SPAG16: variants seen among roughly 807,000 people sequenced by gnomAD.
The protein encoded by SPAG16 is sperm-associated antigen 16 protein.
A neutral mutation model predicts 80.4 loss-of-function variants in SPAG16; 86 were observed. That is an observed-to-expected ratio of 1.07 (90% CI 0.90 to 1.28). SPAG16 has a LOEUF of 1.28. Ranked by LOEUF, SPAG16 falls within the 50% of genes most tolerant of loss-of-function variation. The pLI is 0.00. For synonymous variants in SPAG16, 294 were observed against 265.9 expected, an observed-to-expected ratio of 1.11 and a Z score of -1.03; for missense variants, 870 against 765.3, an observed-to-expected ratio of 1.14 and a Z score of -1.61.
chr2:213,512,648 G>A (rs371469843), intron 10 of SPAG16, among the ~76,000 whole-genome samples: 14 of 152,240 alleles, frequency 9.2e-5, no homozygotes, highest in African/African-American at 3.4e-4. Flanking sequence ...TAAGAGCCCA[G>A]CACTGTGCAG....
intron 9 of SPAG16, among the ~76,000 whole-genome samples, chr2:213,489,328 T>G (rs1162672430): frequency 6.6e-6 from 1 of 152,108 alleles, no homozygotes; most frequent in African/African-American, 2.4e-5. Flanking sequence ...TACTTTCTCA[T>G]GGACTGAAAA....
intron 10 of SPAG16, among the ~76,000 whole-genome samples, chr2:213,812,406 G>A (rs1365412530): frequency 2.6e-5 from 4 of 152,198 alleles, no homozygotes; most frequent in African/African-American, 9.7e-5. Context: ...TGGAGGCTAA[G>A]AGACTCAGCT....
chr2:213,502,465 A>C (rs1388982933), intron 10 of SPAG16, among the ~76,000 whole-genome samples: 1 of 152,120 alleles, frequency 6.6e-6, no homozygotes, highest in Non-Finnish European at 1.5e-5. Context: ...TATAAATAAA[A>C]ATATTTTATT....
chr2:214,264,439 T>A (rs1321847894), intron 15 of SPAG16, among the ~76,000 whole-genome samples: 1 of 152,162 alleles, frequency 6.6e-6, no homozygotes, highest in Non-Finnish European at 1.5e-5. Context: ...GTGGATCTTC[T>A]AATTTTTTTT....
chr2:213,764,465 T>G (rs1394917426), intron 10 of SPAG16, among the ~76,000 whole-genome samples: 1 of 152,192 alleles, frequency 6.6e-6, no homozygotes, highest in Non-Finnish European at 1.5e-5. Flanking sequence ...CTAGATATAG[T>G]GTCCTTGGAC....
chr2:214,212,485 C>T (rs1281946825), intron 15 of SPAG16, among the ~76,000 whole-genome samples: 1 of 152,112 alleles, frequency 6.6e-6, no homozygotes, highest in South Asian at 2.1e-4. Context: ...ACACGGGTTA[C>T]ATGTCCATTG....
intron 15 of SPAG16, among the ~76,000 whole-genome samples, chr2:214,221,352 T>A (rs1046623759): frequency 3.9e-5 from 6 of 152,160 alleles, no homozygotes; most frequent in African/African-American, 1.4e-4. Context: ...CGAGGCTTTG[T>A]TGTGCTCCAT....
At chr2:214,133,652 A>G (rs1280850521) in intron 14 of SPAG16, among the ~76,000 whole-genome samples, 1 of 152,080 alleles carries the variant, frequency 6.6e-6, no homozygotes, top group Non-Finnish European at 1.5e-5. Context: ...GCGAGACTCC[A>G]TCTCAAAAAT....
intron 15 of SPAG16, among the ~76,000 whole-genome samples, chr2:214,328,605 A>G (rs1576793031): frequency 1.3e-5 from 2 of 152,236 alleles, no homozygotes; most frequent in Non-Finnish European, 2.9e-5. Flanking sequence ...AATTGGATTG[A>G]AATGGATTTA....
chr2:214,130,289 G>A (rs1005368517), intron 14 of SPAG16, among the ~76,000 whole-genome samples: 3 of 152,118 alleles, frequency 2.0e-5, no homozygotes, highest in East Asian at 1.9e-4. Context: ...CAGAAAGGGA[G>A]GTTTTGTGAC....
chr2:213,859,553 T>C (rs2075332534), intron 10 of SPAG16, among the ~76,000 whole-genome samples: 1 of 152,176 alleles, frequency 6.6e-6, no homozygotes, highest in Non-Finnish European at 1.5e-5. Context: ...ATGATAATAG[T>C]TACATCCAAG....
At chr2:213,319,278 A>G (rs1343977074) in intron 5 of SPAG16, among the ~76,000 whole-genome samples, 1 of 151,990 alleles carries the variant, frequency 6.6e-6, no homozygotes, top group Non-Finnish European at 1.5e-5. Flanking sequence ...TTAAAGAAAC[A>G]TGCCTTTTCA....
At chr2:213,802,900 CAG>C (rs1286949138) in intron 10 of SPAG16, among the ~76,000 whole-genome samples, 1 of 151,748 alleles carries the variant, frequency 6.6e-6, no homozygotes, top group African/African-American at 2.4e-5. Context: ...TAGAAATTAT[CAG>C]GGGCTGAAGT....
intron 10 of SPAG16, among the ~76,000 whole-genome samples, chr2:213,535,944 T>C (rs907176441): frequency 6.6e-6 from 1 of 152,106 alleles, no homozygotes; most frequent in Non-Finnish European, 1.5e-5. Flanking sequence ...TGAATTATAA[T>C]AGGGACATTT....
intron 11 of SPAG16, among the ~76,000 whole-genome samples, chr2:213,922,167 A>G (rs534917620): frequency 3.9e-5 from 6 of 152,304 alleles, no homozygotes; most frequent in Non-Finnish European, 8.8e-5. Context: ...CCAATGAGTC[A>G]TAGTTTTCAT....
At chr2:213,976,135 T>TATATATATATATGTAC (rs749957411) in intron 12 of SPAG16, among the ~76,000 whole-genome samples, 1 of 81,416 alleles carries the variant, frequency 1.2e-5, no homozygotes, top group Non-Finnish European at 2.8e-5. Context: ...TATATATATA[T>TATATATATATATGTAC]ACACACACAC....
At chr2:214,030,810 AG>A (rs2125048552) in intron 13 of SPAG16, among the ~76,000 whole-genome samples, 1 of 152,258 alleles carries the variant, frequency 6.6e-6, no homozygotes, top group African/African-American at 2.4e-5. Context: ...TCCCACCTCA[AG>A]GGTTTTCATC....
intron 15 of SPAG16, among the ~76,000 whole-genome samples, chr2:214,316,701 C>T (rs576440405): frequency 1.4e-4 from 22 of 152,154 alleles, no homozygotes; most frequent in East Asian, 5.8e-4. Context: ...AATAAATAAG[C>T]GTAGTTTTCT....
intron 5 of SPAG16, among the ~76,000 whole-genome samples, chr2:213,330,840 G>A (rs940128341): frequency 2.0e-5 from 3 of 152,114 alleles, no homozygotes; most frequent in African/African-American, 7.2e-5. Flanking sequence ...TCTTTCTCGT[G>A]CTGTTCTTGT....
Sources: allele counts gnomAD v4.1 joint callset (sites outside exome capture counted in the v4.1 genomes callset), GRCh38; gene constraint gnomAD v4.1.1; transcripts MANE v1.5; gene names NCBI Gene and HGNC (gene_info 2026-07-23, HGNC 2026-07-21).